Variants in DOCK6 observed in about 807,000 individuals in gnomAD.
The protein encoded by DOCK6 is dedicator of cytokinesis 6, also known as dedicator of cytokinesis protein 6.
Under a neutral mutation model 230.3 loss-of-function variants are expected in DOCK6, and 167 were observed. The observed-to-expected ratio is 0.73, with a 90% CI of 0.64 to 0.82. The LOEUF (loss-of-function observed/expected upper bound fraction) is 0.82, where lower values mean the gene tolerates loss of function less well. DOCK6 is among the 40% of genes least tolerant of loss of function. DOCK6 has a pLI of 0.00. For synonymous variants in DOCK6, 1,148 were observed against 1,185.0 expected, an observed-to-expected ratio of 0.97 and a Z score of 0.64; for missense variants, 2,598 against 2,825.8, an observed-to-expected ratio of 0.92 and a Z score of 1.83.
chr19:11,222,374 T>A lies in DOCK6; in HGVS notation c.3241-126A>T. On this transcript the variant is annotated intron_variant, in intron 26 of 47. Coordinates refer to ENST00000294618, the MANE Select transcript of DOCK6 (RefSeq NM_020812.4). The surrounding 1 kb of genome is among the most constrained non-coding windows in gnomAD (Gnocchi z 4.0). ...ATAGCCACAGATGAAAGACTGATGTTAAGTCATCTGGAGGTGACAGTGGGC... is the reference window on the plus strand; with the variant it reads ...ATAGCCACAGATGAAAGACTGATGTAAAGTCATCTGGAGGTGACAGTGGGC... 1 of 1,329,362 alleles carries A rather than the reference T, an allele frequency of 7.5e-7. No homozygotes were observed. The highest frequency in any genetic ancestry group is 1.0e-6 in the Non-Finnish European group (1 of 978,524). 82.3% of individuals were successfully genotyped at this position (1,329,362 alleles called of 1,614,324 possible).
In DOCK6 at chr19:11,200,770, T is replaced by C. The variant is rs767666683; in HGVS notation, c.5885A>G (p.Lys1962Arg). The stretch of plus-strand genomic sequence containing the variant: ...CAATTTGTTGTGATGCCGGAAGAGC[T>C]TGGGGTCTTCCGGGATCTCTGCTAA... ...VFLAEIPEDP[K>R]LFRHHNKLRL... The change falls in exon 46 of 48, where the codon AAG becomes AGG. Residue 1962 changes from lysine to arginine, a missense_variant. Coordinates refer to ENST00000294618, the MANE Select transcript of DOCK6 (RefSeq NM_020812.4). The surrounding 1 kb of genome is among the most constrained non-coding windows in gnomAD (Gnocchi z 4.3). 2.9e-5 allele frequency: 46 copies of C among 1,613,600 alleles called. No homozygotes were observed. In the Admixed American group the frequency reaches 6.8e-4, roughly 24 times the overall value.
At chr19:11,253,844 A>G (rs996120140) in intron 1 of DOCK6, 118 bp from the exon 2 acceptor site, 2 of 705,684 alleles carry the variant, frequency 2.8e-6, no homozygotes, top group African/African-American at 3.8e-5. Flanking sequence ...GAGGGCCAAG[A>G]GAACCAGGAG....
intron 32 of DOCK6, among the ~76,000 whole-genome samples, 171 bp from the exon 33 acceptor site, chr19:11,214,820 G>A (rs2079454335): frequency 6.6e-6 from 1 of 152,036 alleles, no homozygotes; most frequent in South Asian, 2.1e-4. Context: ...TGTTGCCCAG[G>A]CTGGAGTGCA....
At chr19:11,246,445 C>CT (rs2080035503) in intron 7 of DOCK6, among the ~76,000 whole-genome samples, 1 of 151,770 alleles carries the variant, frequency 6.6e-6, no homozygotes. Flanking sequence ...TAGACAGAGT[C>CT]TCCCCTGTTG....
chr19:11,222,587 G>T lies in DOCK6; in HGVS notation c.3240+148C>A. On this transcript the variant is annotated intron_variant, in intron 26 of 47. Transcript: ENST00000294618. The surrounding 1 kb of genome is among the most constrained non-coding windows in gnomAD (Gnocchi z 4.0). ...CTGAGAATGGCAAGAGAGGTGAAGG[G>T]TCAGAAGTCAAAAGTCAAACATAAG... The T allele has an allele frequency of 2.1e-6, 2 of 934,536 alleles. No homozygotes were observed. Among genetic ancestry groups the T allele is most frequent in the Non-Finnish European group, 3.1e-6 (2 of 639,612 alleles). The allele number at this position is 934,536 out of a possible 1,614,324, so 57.9% of individuals were successfully genotyped here.
chr19:11,201,762 C>T lies in DOCK6; in HGVS notation c.5688+127G>A. Reference sequence around the variant, plus strand: ...ATCTGGTCTAGGGTCCCTGTGCCACCCCTCTCTGGGTCTGAGGTCCGTGAA... The same window carrying T: ...ATCTGGTCTAGGGTCCCTGTGCCACTCCTCTCTGGGTCTGAGGTCCGTGAA... On this transcript the variant is annotated intron_variant, in intron 44 of 47. Coordinates refer to ENST00000294618, the MANE Select transcript of DOCK6 (RefSeq NM_020812.4). The surrounding 1 kb of genome is among the most constrained non-coding windows in gnomAD (Gnocchi z 4.3). 2 of 878,674 alleles carry T rather than the reference C, an allele frequency of 2.3e-6. No individual in the cohort carries two copies. Among genetic ancestry groups the T allele is most frequent in the Non-Finnish European group, 3.5e-6 (2 of 574,382 alleles). The allele number at this position is 878,674 out of a possible 1,614,324, so 54.4% of individuals were successfully genotyped here. A position where few individuals can be genotyped will look rare whatever the true frequency, so the allele number is the denominator to read the frequency against.
At position 11,215,934 on chromosome 19, in the gene DOCK6, G is replaced by A. The variant is rs368322024; in HGVS notation, c.3895-7C>T. The A allele has an allele frequency of 2.0e-4, 330 of 1,613,584 alleles. No homozygotes were observed. The highest frequency in any genetic ancestry group is 2.4e-4 in the Non-Finnish European group (283 of 1,179,810). ...GTTCAAAGGCCTTTTTCCCCTGGGG[G>A]TGCAGAGAACTGGGGTTCCAGGCTG... On this transcript the variant is annotated splice_polypyrimidine_tract_variant and splice_region_variant and intron_variant, in intron 30 of 47. Transcript: ENST00000294618.
In DOCK6 at chr19:11,253,096, G is replaced by A. The variant is rs188348842; in HGVS notation, c.133-138C>T. 70 of 853,710 alleles carry A rather than the reference G, an allele frequency of 8.2e-5. 1 individual carries two copies. The African/African-American group carries it at 1.1e-3, about 13-fold the overall frequency. 52.9% of individuals were successfully genotyped at this position (853,710 alleles called of 1,614,324 possible). The stretch of plus-strand genomic sequence containing the variant: ...CCATGGAGGGTGTTGGAGTTACGGA[G>A]GAACCATGGAGGATGATGACCTCAG... On this transcript the variant is annotated intron_variant, in intron 2 of 47. Transcript: ENST00000294618.
In DOCK6 at chr19:11,216,575, T is replaced by C. The variant is rs540857638; in HGVS notation, c.3894+339A>G. 3.5e-4 allele frequency: 91 copies of C among 259,564 alleles called. 1 individual carries two copies. The highest frequency in any genetic ancestry group is 7.4e-4 in the South Asian group (17 of 22,926). 16.1% of individuals were successfully genotyped at this position (259,564 alleles called of 1,614,324 possible). On this transcript the variant is annotated intron_variant, in intron 30 of 47. Coordinates refer to ENST00000294618, the MANE Select transcript of DOCK6 (RefSeq NM_020812.4). Reference sequence around the variant, plus strand: ...GGTGCGCGCCACCACACCCAGCTATTATTTTGTATTTTTAGTAGAGACGGG... The same window carrying C: ...GGTGCGCGCCACCACACCCAGCTATCATTTTGTATTTTTAGTAGAGACGGG...
At chr19:11,235,869 G>A in intron 20 of DOCK6, 110 bp from the exon 21 acceptor site, 1 of 1,368,042 alleles carries the variant, frequency 7.3e-7, no homozygotes, top group South Asian at 1.7e-5. Context: ...CTCATTAAGG[G>A]GTCACAAATT....
chr19:11,237,920 G>T, intron 16 of DOCK6, 125 bp downstream of exon 16: 1 of 1,416,308 alleles, frequency 7.1e-7, no homozygotes. Context: ...TAGCACTCTG[G>T]GAGCCTCTAC....
intron 41 of DOCK6, chr19:11,203,801 C>T (rs937760087): frequency 3.3e-5 from 18 of 545,412 alleles, no homozygotes; most frequent in Admixed American, 2.4e-4. Context: ...CACCCCGCCA[C>T]CCCCCTGCAG....
intron 21 of DOCK6, among the ~76,000 whole-genome samples, chr19:11,234,428 G>GA (rs796761369): frequency 1.2e-3 from 110 of 95,228 alleles, no homozygotes; most frequent in African/African-American, 2.8e-3. Context: ...TTAAAAAAAA[G>GA]AAAAAAAAAA....
rs916411386 is a variant in DOCK6 at position 11,229,463 on chromosome 19, C to T, written c.2719-428G>A. On this transcript the variant is annotated intron_variant, in intron 22 of 47. Transcript: ENST00000294618. Reference sequence around the variant, plus strand: ...AAGGGGTATGTGGTTGGAGGAAAGACGTGTTCACACAGACAGGGATGGGGA... The same window carrying T: ...AAGGGGTATGTGGTTGGAGGAAAGATGTGTTCACACAGACAGGGATGGGGA... 8 of 724,708 alleles carry T rather than the reference C, an allele frequency of 1.1e-5. No individual in the cohort carries two copies. The Admixed American group carries it at 3.6e-4, about 32-fold the overall frequency. The allele number at this position is 724,708 out of a possible 1,614,324, so 44.9% of individuals were successfully genotyped here.
chr19:11,213,918 T>C (rs953506257), intron 34 of DOCK6, among the ~76,000 whole-genome samples: 1 of 150,318 alleles, frequency 6.7e-6, no homozygotes, highest in Admixed American at 6.7e-5. Context: ...GCCTTCCGAG[T>C]AGCTAGGACC....
chr19:11,236,789 G>A lies in DOCK6; in HGVS notation c.2160+4C>T, dbSNP rs1024702531. On this transcript the variant is annotated splice_donor_region_variant and intron_variant, in intron 19 of 47. Coordinates refer to ENST00000294618, the MANE Select transcript of DOCK6 (RefSeq NM_020812.4). This position sits in a 1 kb window ranked among gnomAD's most constrained non-coding sequence, Gnocchi z 5.2. ...GGACTCTTGGTTCCCGGCCCACCCC[G>A]TACCTGGGGGTGCACAGAGGACACG... 2.3e-5 allele frequency: 36 copies of A among 1,552,316 alleles called. 1 individual carries two copies. Among genetic ancestry groups the A allele is most frequent in the South Asian group, 2.3e-4 (19 of 84,112 alleles).
intron 39 of DOCK6, chr19:11,205,832 C>T (rs1420977011): frequency 1.3e-5 from 2 of 150,426 alleles, no homozygotes; most frequent in African/African-American, 2.5e-5. Flanking sequence ...TCTATGTTGC[C>T]CAAGCTGGTC....
chr19:11,217,976 G>A (rs188188630), intron 28 of DOCK6, among the ~76,000 whole-genome samples: 49 of 150,522 alleles, frequency 3.3e-4, no homozygotes, highest in East Asian at 1.8e-3. Context: ...CTCAGCTTCC[G>A]GAGTAGCTGT....
At position 11,200,310 on chromosome 19, in the gene DOCK6, G is replaced by C. The variant is rs541964125; in HGVS notation, c.6099C>G (p.Leu2033=). The part of the protein sequence containing the change: ...PQLMAPTPPG[L]RNSLNRASFR... ...GATGGGGGCACTAGGTCAGGCACCT[G>C]AGGCCGGGTGGGGTGGGTGCCATCA... The change falls in exon 47 of 48, where the codon CTC becomes CTG. Residue 2033 remains leucine, a splice_region_variant and synonymous_variant. Coordinates refer to ENST00000294618, the MANE Select transcript of DOCK6 (RefSeq NM_020812.4). This position sits in a 1 kb window ranked among gnomAD's most constrained non-coding sequence, Gnocchi z 4.3. The C allele has an allele frequency of 6.4e-6, 10 of 1,563,046 alleles. No individual in the cohort carries two copies. In the Admixed American group the frequency reaches 1.9e-4, roughly 30 times the overall value.
Sources: allele counts gnomAD v4.1 joint callset (sites outside exome capture counted in the v4.1 genomes callset), GRCh38; gene constraint gnomAD v4.1.1; non-coding constraint Gnocchi (gnomAD v3.1); transcripts MANE v1.5; gene names NCBI Gene and HGNC (gene_info 2026-07-23, HGNC 2026-07-21).